DPP10: variants seen among roughly 807,000 people sequenced by gnomAD.
DPP10 encodes the protein dipeptidyl peptidase like 10, also known as inactive dipeptidyl peptidase 10.
DPP10 carries 33 observed loss-of-function variants against 120.9 expected under a neutral mutation model. The observed-to-expected ratio is 0.27, with a 90% CI of 0.21 to 0.37. The LOEUF (loss-of-function observed/expected upper bound fraction) is 0.37, where lower values mean the gene tolerates loss of function less well. Ranked by LOEUF, DPP10 falls within the 10% of genes least tolerant of loss-of-function variation. The pLI, the probability that DPP10 is intolerant of heterozygous loss-of-function variation, is 1.00. For synonymous variants in DPP10, 337 were observed against 326.1 expected (o/e 1.03, Z -0.36); for missense variants, 816 against 942.8 (o/e 0.87, Z 1.76).
At chr2:115,147,264 G>T (rs2051278297) in intron 1 of DPP10, among the ~76,000 whole-genome samples, 1 of 151,470 alleles carries the variant, frequency 6.6e-6, no homozygotes, top group Non-Finnish European at 1.5e-5. Flanking sequence ...ATAATTTCAG[G>T]CTAAGGAAAA....
intron 19 of DPP10, among the ~76,000 whole-genome samples, chr2:115,798,226 T>C (rs1354619103): frequency 6.6e-6 from 1 of 151,996 alleles, no homozygotes; most frequent in Non-Finnish European, 1.5e-5. Flanking sequence ...GTCATATAAA[T>C]GTAGTCATTA....
At chr2:114,493,997 A>G (rs1682236097) in intron 1 of DPP10, among the ~76,000 whole-genome samples, 1 of 149,640 alleles carries the variant, frequency 6.7e-6, no homozygotes, top group Non-Finnish European at 1.5e-5. Context: ...GCTCAAGAAC[A>G]TTGCCTGGTA....
At chr2:115,436,556 C>T (rs2071512679) in intron 3 of DPP10, among the ~76,000 whole-genome samples, 3 of 151,888 alleles carry the variant, frequency 2.0e-5, no homozygotes, top group South Asian at 4.1e-4. Context: ...TTCTTAAGCA[C>T]ACTCATTAGA....
chr2:115,184,139 T>G (rs1263958584), intron 1 of DPP10, among the ~76,000 whole-genome samples: 1 of 152,164 alleles, frequency 6.6e-6, no homozygotes, highest in Non-Finnish European at 1.5e-5. Flanking sequence ...TAAAACCCAA[T>G]GAGACCAATA....
In DPP10 at chr2:114,599,699, C is replaced by A. The variant is rs148536696; in HGVS notation, c.60+156861C>A. ...TGAATAAAATTTCTGTGAACGTACA[C>A]CTTGTATAAGTTTCACTGTATAAGA... On this transcript the variant is annotated intron_variant, in intron 1 of 25. Transcript: ENST00000410059. Among the ~76,000 whole-genome samples, 555 of 151,738 alleles carry A rather than the reference C, an allele frequency of 3.7e-3. 3 individuals are homozygous for A. The highest frequency in any genetic ancestry group is 0.01 in the Middle Eastern group (3 of 294).
chr2:115,181,878 A>G (rs1314675946), intron 1 of DPP10, among the ~76,000 whole-genome samples: 2 of 152,232 alleles, frequency 1.3e-5, no homozygotes, highest in African/African-American at 4.8e-5. Flanking sequence ...TTGAATGTTA[A>G]AAATATTATA....
chr2:115,767,092 G>C (rs543626550), intron 12 of DPP10, among the ~76,000 whole-genome samples: 2 of 152,102 alleles, frequency 1.3e-5, no homozygotes, highest in African/African-American at 2.4e-5. Context: ...TCCTGATCTC[G>C]CTTTATATAG....
At chr2:115,042,951 A>G (rs1391342657) in intron 1 of DPP10, among the ~76,000 whole-genome samples, 4 of 152,214 alleles carry the variant, frequency 2.6e-5, no homozygotes, top group African/African-American at 9.6e-5. Flanking sequence ...AAATAATTTC[A>G]TCATTTTAAT....
intron 5 of DPP10, among the ~76,000 whole-genome samples, chr2:115,686,300 A>G (rs942145061): frequency 6.6e-6 from 1 of 152,048 alleles, no homozygotes; most frequent in African/African-American, 2.4e-5. Context: ...TGTGTTAGAT[A>G]AGCCTCATTC....
intron 3 of DPP10, among the ~76,000 whole-genome samples, chr2:115,383,722 A>C (rs1190766086): frequency 6.6e-6 from 1 of 152,142 alleles, no homozygotes. Flanking sequence ...TTTCTTATGC[A>C]TTTAAATATA....
chr2:115,316,023 C>T (rs897979959), intron 2 of DPP10, among the ~76,000 whole-genome samples: 2 of 152,112 alleles, frequency 1.3e-5, no homozygotes, highest in Non-Finnish European at 2.9e-5. Flanking sequence ...AGTGTCCAGT[C>T]AGATAAATGA....
intron 1 of DPP10, among the ~76,000 whole-genome samples, chr2:114,615,909 T>C (rs1270207239): frequency 6.6e-6 from 1 of 152,144 alleles, no homozygotes; most frequent in African/African-American, 2.4e-5. Flanking sequence ...TTGGTGCTCA[T>C]TATCTGATAA....
intron 3 of DPP10, among the ~76,000 whole-genome samples, chr2:115,438,798 A>T (rs77027491): frequency 1.3e-5 from 2 of 148,568 alleles, no homozygotes; most frequent in South Asian, 2.2e-4. Context: ...ATAGTGGCTA[A>T]GATGGTCATG....
intron 7 of DPP10, among the ~76,000 whole-genome samples, chr2:115,713,430 A>G (rs982129392): frequency 3.9e-5 from 6 of 152,138 alleles, no homozygotes; most frequent in African/African-American, 2.4e-5. Context: ...AAATTGATGG[A>G]AGGTCAATTT....
Position 115,727,668 on chromosome 2 carries a change from G to T in DPP10, c.577-148G>T, listed in dbSNP as rs1359227690. The T allele has an allele frequency of 9.2e-5, 72 of 781,266 alleles. No homozygotes were observed. In the East Asian group the frequency reaches 2.5e-3, roughly 28 times the overall value. The allele number at this position is 781,266 out of a possible 1,614,324, so 48.4% of individuals were successfully genotyped here. On this transcript the variant is annotated intron_variant, in intron 7 of 25. Transcript: ENST00000410059. ...CAGAAAAAGCCATTAATAATTGAAA[G>T]CAATAAAAACATATGCCTTGAATAA... is the stretch of plus-strand genomic sequence containing the variant.
chr2:114,861,312 C>G (rs1367339039), intron 1 of DPP10, among the ~76,000 whole-genome samples: 2 of 152,118 alleles, frequency 1.3e-5, no homozygotes, highest in Non-Finnish European at 2.9e-5. Context: ...GTGATTCTGC[C>G]CAACTCCCAC....
At chr2:114,562,058 G>C (rs935075461) in intron 1 of DPP10, among the ~76,000 whole-genome samples, 1 of 152,168 alleles carries the variant, frequency 6.6e-6, no homozygotes, top group East Asian at 1.9e-4. Context: ...GGACTATGGG[G>C]CTTAGCCCTT....
intron 1 of DPP10, among the ~76,000 whole-genome samples, chr2:114,966,563 C>T (rs1224499025): frequency 6.6e-6 from 1 of 152,132 alleles, no homozygotes; most frequent in Non-Finnish European, 1.5e-5. Context: ...ACTTTCCATC[C>T]ATTAGATTCA....
intron 1 of DPP10, among the ~76,000 whole-genome samples, chr2:114,530,231 G>A (rs760228779): frequency 2.0e-5 from 3 of 152,114 alleles, no homozygotes; most frequent in Non-Finnish European, 4.4e-5. Context: ...CAGTGTGTGT[G>A]GAAGGATGTT....
Sources: allele counts gnomAD v4.1 joint callset (sites outside exome capture counted in the v4.1 genomes callset), GRCh38; gene constraint gnomAD v4.1.1; transcripts MANE v1.5; gene names NCBI Gene and HGNC (gene_info 2026-07-23, HGNC 2026-07-21).